NPAS1: variants seen among roughly 807,000 people sequenced by gnomAD.
NPAS1 encodes the protein neuronal PAS domain protein 1.
NPAS1 carries 29 observed loss-of-function variants against 49.2 expected under a neutral mutation model. The observed-to-expected ratio is 0.59, with a 90% CI of 0.44 to 0.80. The LOEUF (loss-of-function observed/expected upper bound fraction) is 0.80. Ranked by LOEUF, NPAS1 falls within the 30% of genes least tolerant of loss-of-function variation. NPAS1 has a pLI of 0.00. For missense variants in NPAS1, 825 were observed against 835.5 expected, an observed-to-expected ratio of 0.99 and a Z score of 0.15; for synonymous variants, 408 against 380.4, an observed-to-expected ratio of 1.07 and a Z score of -0.84.
chr19:47,022,281 C>T (rs2056847275), intron 3 of NPAS1, among the ~76,000 whole-genome samples: 1 of 152,198 alleles, frequency 6.6e-6, no homozygotes, highest in Non-Finnish European at 1.5e-5. Flanking sequence ...ACTGTACAGT[C>T]TGAGCCCCCA....
At chr19:47,032,254 GC>G (rs2056910838) in intron 3 of NPAS1, 23 bp from the exon 4 acceptor site, 1 of 1,610,832 alleles carries the variant, frequency 6.2e-7, no homozygotes, top group Non-Finnish European at 8.5e-7. Flanking sequence ...AGACTAACAG[GC>G]TTCATCCTTC....
At chr19:47,028,099 C>G (rs924621426) in intron 3 of NPAS1, among the ~76,000 whole-genome samples, 34 of 152,046 alleles carry the variant, frequency 2.2e-4, no homozygotes, top group Non-Finnish European at 1.0e-4. Flanking sequence ...CACCACACCC[C>G]CTAATCCCGA....
At position 47,045,536 on chromosome 19, in the gene NPAS1, A is replaced by G; in HGVS notation, c.1658A>G (p.Tyr553Cys). 1 of 1,529,018 alleles carries G rather than the reference A, an allele frequency of 6.5e-7. No individual in the cohort carries two copies. Among genetic ancestry groups the G allele is most frequent in the Non-Finnish European group, 8.7e-7 (1 of 1,144,780 alleles). The allele number at this position is 1,529,018 out of a possible 1,614,324, so 94.7% of individuals were successfully genotyped here. A position where few individuals can be genotyped will look rare whatever the true frequency, so the allele number is the denominator to read the frequency against. ...GGCCCCGCGGAGCTGGGCCTGGTGT[A>G]CCCGCACCTGCAGAGGCTGGGTCCG... ...RYGPAELGLV[Y>C]PHLQRLGPGP... is the part of the protein sequence containing the mutation. Residue 553 changes from tyrosine to cysteine, a missense_variant, in exon 12 of 12, where the codon TAC becomes TGC. Coordinates refer to ENST00000602212, the MANE Select transcript of NPAS1 (RefSeq NM_002517.4).
intron 3 of NPAS1, among the ~76,000 whole-genome samples, chr19:47,027,171 G>A (rs2056876408): frequency 6.6e-6 from 1 of 152,200 alleles, no homozygotes; most frequent in Non-Finnish European, 1.5e-5. Context: ...GCATGTGAGG[G>A]ACCCCTCTCC....
In NPAS1 at chr19:47,035,959, G is replaced by A; in HGVS notation, c.523-5G>A. On this transcript the variant is annotated splice_polypyrimidine_tract_variant and splice_region_variant and intron_variant, in intron 5 of 11. Coordinates refer to ENST00000602212, the MANE Select transcript of NPAS1 (RefSeq NM_002517.4). ...GCCCCCTGCATTCCCCTCCTTCGCCGGCAGGTGGAGATGACGGGCAGCAGC... is the reference window on the plus strand; with the variant it reads ...GCCCCCTGCATTCCCCTCCTTCGCCAGCAGGTGGAGATGACGGGCAGCAGC... 1 of 1,514,208 alleles carries A rather than the reference G, an allele frequency of 6.6e-7. No homozygotes were observed. The highest frequency in any genetic ancestry group is 8.8e-7 in the Non-Finnish European group (1 of 1,132,670). The allele number at this position is 1,514,208 out of a possible 1,614,324, so 93.8% of individuals were successfully genotyped here. A position where few individuals can be genotyped will look rare whatever the true frequency, so the allele number is the denominator to read the frequency against.
chr19:47,026,987 A>G (rs1408123193), intron 3 of NPAS1, among the ~76,000 whole-genome samples: 3 of 151,662 alleles, frequency 2.0e-5, no homozygotes, highest in Non-Finnish European at 4.4e-5. Context: ...GAATGGTGGC[A>G]TGACTCCCAG....
chr19:47,027,840 G>A (rs2056884008), intron 3 of NPAS1, among the ~76,000 whole-genome samples: 1 of 152,176 alleles, frequency 6.6e-6, no homozygotes, highest in African/African-American at 2.4e-5. Flanking sequence ...TTTGGGTTCT[G>A]GACATGGGAG....
chr19:47,036,060 C>A lies in NPAS1; in HGVS notation c.619C>A (p.Pro207Thr), dbSNP rs1186157204. 1 of 1,600,182 alleles carries A rather than the reference C, an allele frequency of 6.2e-7. No individual in the cohort carries two copies. Among genetic ancestry groups the A allele is most frequent in the African/African-American group, 1.3e-5 (1 of 74,628 alleles). ...GGGGCTGCGGACGCCGACGCCCGGC[C>A]CCCCAACCCCGCCCTCCGTCTCCTC... Reference protein sequence around the residue: ...QLGLRTPTPGPPTPPSVSSSS... With the variant: ...QLGLRTPTPGTPTPPSVSSSS... The change falls in exon 6 of 12, where the codon CCC becomes ACC. Residue 207 changes from proline (P) to threonine (T), a missense_variant. Coordinates refer to ENST00000602212, the MANE Select transcript of NPAS1 (RefSeq NM_002517.4).
chr19:47,030,559 G>A (rs2056898698), intron 3 of NPAS1, among the ~76,000 whole-genome samples: 5 of 148,420 alleles, frequency 3.4e-5, no homozygotes, highest in Admixed American at 2.7e-4. Context: ...TGATCTCTTG[G>A]GTTCAAGCAA....
rs753270222 is a variant in NPAS1 at position 47,045,280 on chromosome 19, G to C, written c.1402G>C (p.Gly468Arg). ...GGGCAAACGCATCAAAGTGGAGCCC[G>C]GCCCGAGGGAAACCAAAGGCTCCGA... ...TQGKRIKVEP[G>R]PRETKGSEDS... The change falls in exon 12 of 12, where the codon GGC becomes CGC. Residue 468 changes from glycine (G) to arginine (R), a missense_variant. Gly to Arg is a moderately radical substitution (Grantham distance 125). Coordinates refer to ENST00000602212, the MANE Select transcript of NPAS1 (RefSeq NM_002517.4). The C allele has an allele frequency of 6.2e-7, 1 of 1,614,006 alleles. No individual in the cohort carries two copies. Among genetic ancestry groups the C allele is most frequent in the African/African-American group, 1.3e-5 (1 of 75,046 alleles).
chr19:47,030,529 T>A (rs1382439880), intron 3 of NPAS1, among the ~76,000 whole-genome samples: 2 of 150,674 alleles, frequency 1.3e-5, no homozygotes, highest in Admixed American at 1.3e-4. Flanking sequence ...GGGGTCTCAC[T>A]GCATTGCCCA....
Position 47,041,002 on chromosome 19 carries a change from C to G in NPAS1, c.1094C>G (p.Thr365Ser). 6.5e-7 allele frequency: 1 copy of G among 1,527,330 alleles called. No homozygotes were observed. The highest frequency in any genetic ancestry group is 8.8e-7 in the Non-Finnish European group (1 of 1,138,124). The allele number at this position is 1,527,330 out of a possible 1,614,324, so 94.6% of individuals were successfully genotyped here. A position where few individuals can be genotyped will look rare whatever the true frequency, so the allele number is the denominator to read the frequency against. ...GTGCTGGACAAGGGTCAGGTGATGA[C>G]TGGTTACTACCGTTGGCTGCAGCGT... ...VDLLDKGQVM[T>S]GYYRWLQRAG... Residue 365 changes from threonine (T) to serine (S), a missense_variant, in exon 10 of 12, where the codon ACT becomes AGT. Coordinates refer to ENST00000602212, the MANE Select transcript of NPAS1 (RefSeq NM_002517.4).
At chr19:47,036,164 G>A (rs1568505964) in intron 6 of NPAS1, 35 bp downstream of exon 6, 1 of 1,545,140 alleles carries the variant, frequency 6.5e-7, no homozygotes, top group Admixed American at 2.0e-5. Context: ...TGAAGTCTGA[G>A]GGTAGATCGG....
At chr19:47,020,661 C>T (rs2056833158) in intron 1 of NPAS1, among the ~76,000 whole-genome samples, 1 of 151,850 alleles carries the variant, frequency 6.6e-6, no homozygotes, top group Admixed American at 6.6e-5. Flanking sequence ...GCCCGCCCCC[C>T]GCCCGGCTTG....
At chr19:47,040,643 C>A in intron 9 of NPAS1, 93 bp downstream of exon 9, 1 of 816,484 alleles carries the variant, frequency 1.2e-6, no homozygotes, top group African/African-American at 1.7e-5. Flanking sequence ...TTCAGGGCTG[C>A]CCACAGTCCC....
At position 47,033,070 on chromosome 19, in the gene NPAS1, G is replaced by A. The variant is rs190195577; in HGVS notation, c.522+338G>A. On this transcript the variant is annotated intron_variant, in intron 5 of 11. Transcript: ENST00000602212. ...TTCTCCTGCCTCAGCCTCCTGAGTA[G>A]CTGGGACTACAGGCGCCCACCACAC... Among the ~76,000 whole-genome samples the A allele has an allele frequency of 1.8e-4, 28 of 152,068 alleles. No individual in the cohort carries two copies. In the East Asian group the frequency reaches 5.4e-3, roughly 29 times the overall value.
chr19:47,038,515 C>CAAAAAA (rs397859991), intron 6 of NPAS1, among the ~76,000 whole-genome samples: 1 of 60,318 alleles, frequency 1.7e-5, no homozygotes, highest in African/African-American at 4.6e-5. Flanking sequence ...GACTCCAGCT[C>CAAAAAA]AAAAAAAAAA....
At chr19:47,034,837 T>C (rs12462393) in intron 5 of NPAS1, among the ~76,000 whole-genome samples, 17,297 of 151,664 alleles carry the variant, frequency 0.11, 1,219 homozygotes, top group Middle Eastern at 0.2. Flanking sequence ...GATTGCACCA[T>C]TGCACTCCAG....
Position 47,039,049 on chromosome 19 carries a change from C to T in NPAS1, c.702C>T (p.Thr234=). The T allele has an allele frequency of 6.2e-7, 1 of 1,614,144 alleles. No homozygotes were observed. Among genetic ancestry groups the T allele is most frequent in the Non-Finnish European group, 8.5e-7 (1 of 1,179,996 alleles). ...TCTCTGTCCCAGAGGCCAGCCTCAC[C>T]AAGGTGCCCCCCTCCTCCCTGGTCC... ...ADTPEIEASL[T]KVPPSSLVQE... is the part of the protein sequence containing the mutation. Residue 234 remains threonine, a synonymous_variant, in exon 7 of 12, where the codon ACC becomes ACT. Transcript: ENST00000602212.
Sources: allele counts gnomAD v4.1 joint callset (sites outside exome capture counted in the v4.1 genomes callset), GRCh38; gene constraint gnomAD v4.1.1; transcripts MANE v1.5; gene names NCBI Gene and HGNC (gene_info 2026-07-23, HGNC 2026-07-21).